Variants in PTCD1 observed in about 807,000 individuals in gnomAD.
PTCD1 encodes the protein pentatricopeptide repeat domain 1, also known as pentatricopeptide repeat-containing protein 1, mitochondrial.
A neutral mutation model predicts 53.4 loss-of-function variants in PTCD1; 50 were observed. That is an observed-to-expected ratio of 0.94 (90% CI 0.75 to 1.19). The LOEUF is 1.19. Ranked by LOEUF, PTCD1 falls within the 50% of genes most tolerant of loss-of-function variation. PTCD1 has a pLI of 0.00. For synonymous variants in PTCD1, 413 were observed against 394.8 expected, an observed-to-expected ratio of 1.05 and a Z score of -0.55; for missense variants, 918 against 904.8, an observed-to-expected ratio of 1.01 and a Z score of -0.19.
chr7:99,422,630 G>A (rs773052486), intron 7 of PTCD1, among the ~76,000 whole-genome samples: 5 of 152,184 alleles, frequency 3.3e-5, no homozygotes, highest in African/African-American at 4.8e-5. Context: ...CTGAAAAATC[G>A]AGCTGCAGAC....
At chr7:99,420,422 T>C (rs1277415673) in intron 7 of PTCD1, among the ~76,000 whole-genome samples, 1 of 152,172 alleles carries the variant, frequency 6.6e-6, no homozygotes. Context: ...CCATCCGCAG[T>C]TGCCACCCCA....
Position 99,423,796 on chromosome 7 carries a change from C to T in PTCD1, c.1899G>A (p.Gln633=), listed in dbSNP as rs759373153. 3.1e-6 allele frequency: 5 copies of T among 1,614,152 alleles called. No homozygotes were observed. In the South Asian group the frequency reaches 4.4e-5, roughly 14 times the overall value. ...VVIRQLEFAA[Q]YPPTFDRYQG... ...ACACCCGGTCAAAGGTGGGAGGGTA[C>T]TGGGCTGCAAACTCCAGCTGGCGGA... The change falls in exon 7 of 8, where the codon CAG becomes CAA. Residue 633 remains glutamine, a synonymous_variant. Coordinates refer to ENST00000292478, the MANE Select transcript of PTCD1 (RefSeq NM_015545.4).
intron 1 of PTCD1, among the ~76,000 whole-genome samples, chr7:99,437,451 C>T (rs528033424): frequency 8.2e-4 from 125 of 152,120 alleles, no homozygotes; most frequent in African/African-American, 2.7e-3. Context: ...ACTACAGACG[C>T]ATGCCACCAA....
At chr7:99,420,218 G>A in intron 7 of PTCD1, 69 bp from the exon 8 acceptor site, 2 of 1,605,946 alleles carry the variant, frequency 1.2e-6, no homozygotes, top group South Asian at 1.1e-5. Flanking sequence ...TCGGCAGCTG[G>A]CTCAGGCCTC....
chr7:99,422,685 T>C (rs1795869036), intron 7 of PTCD1, among the ~76,000 whole-genome samples: 1 of 152,208 alleles, frequency 6.6e-6, no homozygotes. Context: ...TGCTGGCGGC[T>C]GTGCCAACAG....
intron 7 of PTCD1, among the ~76,000 whole-genome samples, chr7:99,421,919 G>C (rs1321523259): frequency 6.6e-6 from 1 of 152,122 alleles, no homozygotes; most frequent in Non-Finnish European, 1.5e-5. Flanking sequence ...GAAAAATCCT[G>C]TGTAGAATCA....
intron 5 of PTCD1, among the ~76,000 whole-genome samples, chr7:99,426,974 G>A (rs1253512793): frequency 1.1e-4 from 17 of 150,554 alleles, no homozygotes; most frequent in Non-Finnish European, 2.4e-4. Flanking sequence ...GAGCCCCTCC[G>A]CCTGGCAGCC....
chr7:99,430,898 CCCGTCTTCT>C lies in PTCD1; in HGVS notation c.595-1101_595-1093del, dbSNP rs1390412736. Among the ~76,000 whole-genome samples, 3 of 152,098 alleles carry C rather than the reference CCCGTCTTCT, an allele frequency of 2.0e-5. No homozygotes were observed. In the East Asian group the frequency reaches 5.9e-4, roughly 30 times the overall value. ...ACCAGCCTGGCCAACATGGCGAAAC[CCCGTCTTCT>C]ACAAAAAACACAAAAAAATTAGCCA... On this transcript the variant is annotated intron_variant, in intron 3 of 7. Transcript: ENST00000292478.
Position 99,417,932 on chromosome 7 carries a change from T to G in PTCD1, c.*2035A>C. 7.9e-7 allele frequency: 1 copy of G among 1,268,618 alleles called. No homozygotes were observed. The highest frequency in any genetic ancestry group is 1.0e-6 in the Non-Finnish European group (1 of 994,634). 78.6% of individuals were successfully genotyped at this position (1,268,618 alleles called of 1,614,324 possible). Reference sequence around the variant, plus strand: ...GACAACCAGTGAGTTCCTGTCCCTTTCAGTCCTCACAGTGATACTTTAACA... The same window carrying G: ...GACAACCAGTGAGTTCCTGTCCCTTGCAGTCCTCACAGTGATACTTTAACA... On this transcript the variant is annotated 3_prime_UTR_variant, in exon 8 of 8. Transcript: ENST00000292478.
intron 7 of PTCD1, among the ~76,000 whole-genome samples, chr7:99,421,323 G>C (rs1053029974): frequency 3.3e-5 from 5 of 151,658 alleles, no homozygotes; most frequent in African/African-American, 1.2e-4. Context: ...AGCTCCTCAG[G>C]TGGCTAAGGT....
At position 99,431,844 on chromosome 7, in the gene PTCD1, GA is replaced by G. The variant is rs1169021764; in HGVS notation, c.594+1433del. Among the ~76,000 whole-genome samples the G allele has an allele frequency of 3.9e-5, 6 of 152,362 alleles. No homozygotes were observed. In the East Asian group the frequency reaches 1.2e-3, roughly 29 times the overall value. On this transcript the variant is annotated intron_variant, in intron 3 of 7. Transcript: ENST00000292478. ...AACTCCATTTTGTTCTGTACTAAGAGAAATTCTTCTGCCTTGAGATGCTGTT... is the reference window on the plus strand; with the variant it reads ...AACTCCATTTTGTTCTGTACTAAGAGAATTCTTCTGCCTTGAGATGCTGTT...
chr7:99,438,560 C>G, intron 1 of PTCD1, 132 bp downstream of exon 1: 3 of 1,131,880 alleles, frequency 2.7e-6, no homozygotes, highest in Non-Finnish European at 3.3e-6. Flanking sequence ...CCCCTCTCCA[C>G]ACGGACTTCT....
intron 7 of PTCD1, among the ~76,000 whole-genome samples, chr7:99,422,196 C>T (rs1795847254): frequency 6.6e-6 from 1 of 152,230 alleles, no homozygotes; most frequent in African/African-American, 2.4e-5. Context: ...TTCAGCCAGA[C>T]ACAATTTCCA....
chr7:99,434,747 G>A, intron 2 of PTCD1, 43 bp downstream of exon 2: 2 of 1,611,976 alleles, frequency 1.2e-6, no homozygotes, highest in South Asian at 2.2e-5. Context: ...TGAGCCACCA[G>A]GGGAAAGAAG....
At position 99,417,880 on chromosome 7, in the gene PTCD1, G is replaced by A; in HGVS notation, c.*2087C>T. 1 of 1,360,220 alleles carries A rather than the reference G, an allele frequency of 7.4e-7. No homozygotes were observed. Among genetic ancestry groups the A allele is most frequent in the Non-Finnish European group, 9.5e-7 (1 of 1,050,196 alleles). 84.3% of individuals were successfully genotyped at this position (1,360,220 alleles called of 1,614,324 possible). On this transcript the variant is annotated 3_prime_UTR_variant, in exon 8 of 8. Transcript: ENST00000292478. ...TGGTGGTGGGGAGCCCTAATCCCAAGGTGGTGGCAGGGTGACATCAGGGAA... is the reference window on the plus strand; with the variant it reads ...TGGTGGTGGGGAGCCCTAATCCCAAAGTGGTGGCAGGGTGACATCAGGGAA...
At position 99,434,924 on chromosome 7, in the gene PTCD1, C is replaced by G. The variant is rs758448039; in HGVS notation, c.319G>C (p.Ala107Pro). Residue 107 changes from alanine to proline, a missense_variant, in exon 2 of 8, where the codon GCC (alanine) becomes CCC (proline). Ala to Pro is a conservative substitution (Grantham distance 27, BLOSUM62 -1). Coordinates refer to ENST00000292478, the MANE Select transcript of PTCD1 (RefSeq NM_015545.4). ...CCAAACCGCAGGTTATGGAACTGGG[C>G]TGCGGATTTGCGGAATAGTCTCCGG... Reference protein sequence around the residue: ...SSRRLFRKSAAQFHNLRFGER... With the variant: ...SSRRLFRKSAPQFHNLRFGER... The G allele has an allele frequency of 6.2e-7, 1 of 1,614,228 alleles. No individual in the cohort carries two copies. The highest frequency in any genetic ancestry group is 1.1e-5 in the South Asian group (1 of 91,088).
At position 99,424,977 on chromosome 7, in the gene PTCD1, C is replaced by A; in HGVS notation, c.1555G>T (p.Asp519Tyr). The change falls in exon 6 of 8, where the codon GAC (aspartate) becomes TAC (tyrosine). Residue 519 changes from aspartate (D) to tyrosine (Y), a missense_variant. By Grantham distance (160) the Asp-to-Tyr change is radical. Transcript: ENST00000292478. ...ACCAGCGTGTTAAAGAATGTCAGGTCGGCCTCTACCTGGTGCTCATCCAGG... is the reference window on the plus strand; with the variant it reads ...ACCAGCGTGTTAAAGAATGTCAGGTAGGCCTCTACCTGGTGCTCATCCAGG... ...ALLDEHQVEADLTFFNTLVRK... is the reference protein window; with the variant it reads ...ALLDEHQVEAYLTFFNTLVRK... The A allele has an allele frequency of 6.2e-7, 1 of 1,614,220 alleles. No individual in the cohort carries two copies.
chr7:99,425,759 T>C lies in PTCD1; in HGVS notation c.916-143A>G, dbSNP rs1584456833. 11 of 1,149,098 alleles carry C rather than the reference T, an allele frequency of 9.6e-6. 1 individual carries two copies. The East Asian group carries it at 2.6e-4, about 27-fold the overall frequency. 71.2% of individuals were successfully genotyped at this position (1,149,098 alleles called of 1,614,324 possible). ...GAGTTCGAGACAAGACCGGGCAACA[T>C]AGCAAGACCCTGCCTCAAAAAAATA... On this transcript the variant is annotated intron_variant, in intron 5 of 7. Transcript: ENST00000292478.
chr7:99,423,354 AC>A (rs1218178530), intron 7 of PTCD1, among the ~76,000 whole-genome samples: 4 of 152,172 alleles, frequency 2.6e-5, no homozygotes, highest in African/African-American at 4.8e-5. Flanking sequence ...ACTGTAGGAC[AC>A]GGCATAAAGG....
Sources: allele counts gnomAD v4.1 joint callset (sites outside exome capture counted in the v4.1 genomes callset), GRCh38; gene constraint gnomAD v4.1.1; transcripts MANE v1.5; gene names NCBI Gene and HGNC (gene_info 2026-07-23, HGNC 2026-07-21).